Variants in ST6GALNAC3 observed in about 807,000 individuals in gnomAD.
ST6GALNAC3 encodes ST6 N-acetylgalactosaminide alpha-2,6-sialyltransferase 3.
A neutral mutation model predicts 32.7 loss-of-function variants in ST6GALNAC3; 25 were observed. The ratio of observed to expected loss-of-function variants is 0.76; its 90% CI spans 0.56 to 1.07. The LOEUF (loss-of-function observed/expected upper bound fraction) is 1.07, where lower values mean the gene tolerates loss of function less well. Among genes scored for constraint, ST6GALNAC3 ranks in the 50% least tolerant of loss-of-function variants. ST6GALNAC3 has a pLI of 0.00. For missense variants in ST6GALNAC3, 355 were observed against 382.4 expected, an observed-to-expected ratio of 0.93 and a Z score of 0.60; for synonymous variants, 129 against 133.1, an observed-to-expected ratio of 0.97 and a Z score of 0.21.
At chr1:76,601,135 T>C (rs914620384) in intron 3 of ST6GALNAC3, among the ~76,000 whole-genome samples, 17 of 152,012 alleles carry the variant, frequency 1.1e-4, no homozygotes, top group African/African-American at 4.1e-4. Flanking sequence ...AAGTGGAGGT[T>C]TACAGTGAGC....
At chr1:76,381,033 C>T (rs11162136) in intron 2 of ST6GALNAC3, among the ~76,000 whole-genome samples, 43,778 of 151,776 alleles carry the variant, frequency 0.29, 7,642 homozygotes, top group East Asian at 0.6. Flanking sequence ...TCAGGAGTGT[C>T]ATCTACCATC....
intron 2 of ST6GALNAC3, among the ~76,000 whole-genome samples, chr1:76,406,846 T>G (rs1045899239): frequency 1.3e-5 from 2 of 151,984 alleles, no homozygotes; most frequent in African/African-American, 4.8e-5. Flanking sequence ...ATCATGTTTA[T>G]CTCAACTTCC....
chr1:76,406,170 G>A (rs1345573792), intron 2 of ST6GALNAC3, among the ~76,000 whole-genome samples: 4 of 152,018 alleles, frequency 2.6e-5, no homozygotes, highest in Non-Finnish European at 5.9e-5. Flanking sequence ...GAAGAGAAGA[G>A]CCATTCATGA....
chr1:76,286,994 T>C (rs979989861), intron 1 of ST6GALNAC3, among the ~76,000 whole-genome samples: 2 of 152,256 alleles, frequency 1.3e-5, no homozygotes, highest in Non-Finnish European at 2.9e-5. Flanking sequence ...GTGTATGTTC[T>C]TCAATCTTCT....
At chr1:76,390,163 GTTTTGTTTTGGTGAAGCCA>G (rs1652423961) in intron 2 of ST6GALNAC3, among the ~76,000 whole-genome samples, 1 of 151,926 alleles carries the variant, frequency 6.6e-6, no homozygotes, top group Non-Finnish European at 1.5e-5. Flanking sequence ...TATGGGTTTT[GTTTTGTTTTGGTGAAGCCA>G]TTTTGTAGTC....
chr1:76,453,982 T>C (rs939381105), intron 3 of ST6GALNAC3, among the ~76,000 whole-genome samples: 2 of 152,120 alleles, frequency 1.3e-5, no homozygotes, highest in African/African-American at 4.8e-5. Flanking sequence ...CATATATTCT[T>C]GGGATTGTGA....
intron 1 of ST6GALNAC3, among the ~76,000 whole-genome samples, chr1:76,269,710 C>T (rs563681658): frequency 1.3e-5 from 2 of 152,276 alleles, no homozygotes; most frequent in South Asian, 4.1e-4. Context: ...TGCTGATCAG[C>T]AAACGCTGTT....
At chr1:76,206,906 C>G (rs1254923725) in intron 1 of ST6GALNAC3, among the ~76,000 whole-genome samples, 1 of 152,064 alleles carries the variant, frequency 6.6e-6, no homozygotes, top group Non-Finnish European at 1.5e-5. Flanking sequence ...ACTTTTCGTC[C>G]CTCTAAATAG....
intron 3 of ST6GALNAC3, among the ~76,000 whole-genome samples, chr1:76,557,204 T>G (rs980237927): frequency 1.3e-5 from 2 of 152,082 alleles, no homozygotes; most frequent in African/African-American, 4.8e-5. Flanking sequence ...ATTCTTATTT[T>G]GGGACTCTTA....
chr1:76,400,862 T>G (rs1653360052), intron 2 of ST6GALNAC3, among the ~76,000 whole-genome samples: 1 of 150,524 alleles, frequency 6.6e-6, no homozygotes, highest in Non-Finnish European at 1.5e-5. Flanking sequence ...ACCACTGCAC[T>G]CCAGCCTGGG....
chr1:76,122,210 A>G (rs1648924984), intron 1 of ST6GALNAC3, among the ~76,000 whole-genome samples: 1 of 152,244 alleles, frequency 6.6e-6, no homozygotes, highest in African/African-American at 2.4e-5. Context: ...ACTTGCGCAT[A>G]GTAAGAGCTC....
At chr1:76,198,057 A>C (rs532301777) in intron 1 of ST6GALNAC3, among the ~76,000 whole-genome samples, 1 of 152,130 alleles carries the variant, frequency 6.6e-6, no homozygotes, top group South Asian at 2.1e-4. Flanking sequence ...GTTTGTTCTG[A>C]GACAGGGTCT....
intron 1 of ST6GALNAC3, among the ~76,000 whole-genome samples, chr1:76,157,696 A>G (rs537522670): frequency 6.6e-6 from 1 of 152,302 alleles, no homozygotes; most frequent in South Asian, 2.1e-4. Flanking sequence ...TTTGTGCTGT[A>G]AATTTCAATG....
At chr1:76,076,919 T>G (rs1195379372) in intron 1 of ST6GALNAC3, among the ~76,000 whole-genome samples, 1 of 152,194 alleles carries the variant, frequency 6.6e-6, no homozygotes. Context: ...TCCATATACT[T>G]TACTGCTGTT....
At chr1:76,321,672 C>T (rs1646969912) in intron 2 of ST6GALNAC3, among the ~76,000 whole-genome samples, 1 of 152,160 alleles carries the variant, frequency 6.6e-6, no homozygotes, top group African/African-American at 2.4e-5. Context: ...GTGCAGGTGT[C>T]TGCAAGGGGT....
rs1427301071 is a variant in ST6GALNAC3 at position 76,630,781 on chromosome 1, C to G, written c.*1975C>G. The stretch of plus-strand genomic sequence containing the variant: ...AAGGAGTTGTTATTCTTTTGTTGTT[C>G]CCTTATGCAATTTTTAATTCTATGA... On this transcript the variant is annotated 3_prime_UTR_variant, in exon 5 of 5. Transcript: ENST00000328299. 56 of 985,436 alleles carry G rather than the reference C, an allele frequency of 5.7e-5. 1 individual carries two copies. Among genetic ancestry groups the G allele is most frequent in the Admixed American group, 1.2e-4 (2 of 16,206 alleles). The allele number at this position is 985,436 out of a possible 1,614,324, so 61.0% of individuals were successfully genotyped here. A position where few individuals can be genotyped will look rare whatever the true frequency, so the allele number is the denominator to read the frequency against.
At chr1:76,385,899 T>C (rs1022024043) in intron 2 of ST6GALNAC3, among the ~76,000 whole-genome samples, 1 of 152,086 alleles carries the variant, frequency 6.6e-6, no homozygotes, top group Non-Finnish European at 1.5e-5. Flanking sequence ...TGGCAGGAAT[T>C]TATGACCCTG....
intron 1 of ST6GALNAC3, among the ~76,000 whole-genome samples, chr1:76,084,365 A>G (rs1037055048): frequency 7.2e-5 from 11 of 152,096 alleles, no homozygotes; most frequent in African/African-American, 2.2e-4. Flanking sequence ...ATTTTACCCC[A>G]GATGTTGTGC....
rs1445225903 is a variant in ST6GALNAC3 at position 76,414,935 on chromosome 1, G to A, written c.623+2518G>A. On this transcript the variant is annotated intron_variant, in intron 3 of 4. Coordinates refer to ENST00000328299, the MANE Select transcript of ST6GALNAC3 (RefSeq NM_152996.4). ...TCATAGTTTGTTTTAATTAGGATTA[G>A]CATAAGGTTTATACATAGCAATTGA... 2.0e-5 allele frequency among the ~76,000 whole-genome samples: 3 copies of A among 151,846 alleles called. No homozygotes were observed. The South Asian group carries it at 6.2e-4, about 31-fold the overall frequency.
Sources: gnomAD v4.1 joint callset for allele counts (sites outside exome capture counted in the v4.1 genomes callset) on GRCh38, gnomAD v4.1.1 for gene constraint, MANE v1.5 for transcripts, NCBI Gene and HGNC (gene_info 2026-07-23, HGNC 2026-07-21) for gene names.